The following MCC variants were observed in gnomAD, a reference collection of about 807,000 sequenced individuals.
MCC encodes the protein MCC regulator of Wnt signaling pathway.
Under a neutral mutation model 116.2 loss-of-function variants are expected in MCC, and 90 were observed. The ratio of observed to expected loss-of-function variants is 0.77; its 90% CI spans 0.65 to 0.92. The LOEUF (loss-of-function observed/expected upper bound fraction) is 0.92. Ranked by LOEUF, MCC falls within the 40% of genes least tolerant of loss-of-function variation. The pLI, the probability that MCC is intolerant of heterozygous loss-of-function variation, is 0.00. For synonymous variants in MCC, 578 were observed against 510.5 expected (o/e 1.13, Z -1.78); for missense variants, 1,516 against 1,312.2 (o/e 1.16, Z -2.40).
At chr5:113,085,034 G>A (rs1051946298) in intron 9 of MCC, 130 bp downstream of exon 9, 113 of 1,268,262 alleles carry the variant, frequency 8.9e-5, no homozygotes, top group East Asian at 9.3e-5. Flanking sequence ...GAAGGCCTGC[G>A]TAAGGTCCCA....
In MCC at chr5:113,138,079, C is replaced by T. The variant is rs528909366; in HGVS notation, c.884+5139G>A. Among the ~76,000 whole-genome samples, 5 of 151,726 alleles carry T rather than the reference C, an allele frequency of 3.3e-5. No individual in the cohort carries two copies. In the South Asian group the frequency reaches 6.3e-4, roughly 19 times the overall value. On this transcript the variant is annotated intron_variant, in intron 5 of 18. Transcript: ENST00000408903. ...TTACCCAGGCTGGAGTGCAGTGGTG[C>T]GACCTTGGCTCACTGCAACCTCCAC...
intron 3 of MCC, among the ~76,000 whole-genome samples, chr5:113,280,412 G>C (rs1354618690): frequency 7.2e-5 from 11 of 152,102 alleles, no homozygotes; most frequent in Admixed American, 7.2e-4. Flanking sequence ...CAACAATGTA[G>C]GGTATGTTCT....
intron 3 of MCC, among the ~76,000 whole-genome samples, chr5:113,324,779 C>A (rs1767510034): frequency 6.6e-6 from 1 of 151,956 alleles, no homozygotes; most frequent in Admixed American, 6.6e-5. Context: ...CTTTTTACCT[C>A]ATTAGAAAAG....
rs149085611 is a variant in MCC, at chr5:113,386,638, T to G, written c.171-1426A>C. Among the ~76,000 whole-genome samples, 311 of 152,244 alleles carry G rather than the reference T, an allele frequency of 2.0e-3. 7 individuals carry two copies. In the East Asian group the frequency reaches 0.054, roughly 26 times the overall value. ...GCCAGGCCTATGCCACCAGCCTTTT[T>G]AGCTCATCACCCTGCTTCCATATGC... On this transcript the variant is annotated intron_variant, in intron 1 of 18. Coordinates refer to ENST00000408903, the MANE Select transcript of MCC (RefSeq NM_001085377.2).
chr5:113,278,530 C>T (rs943495493), intron 3 of MCC, among the ~76,000 whole-genome samples: 1 of 152,158 alleles, frequency 6.6e-6, no homozygotes, highest in South Asian at 2.1e-4. Context: ...AAACAGTTTT[C>T]CAAGGTAACT....
At chr5:113,379,382 T>C (rs1769060397) in intron 2 of MCC, among the ~76,000 whole-genome samples, 1 of 152,212 alleles carries the variant, frequency 6.6e-6, no homozygotes, top group African/African-American at 2.4e-5. Flanking sequence ...ACTGAAAACC[T>C]GTGATATTTT....
intron 5 of MCC, among the ~76,000 whole-genome samples, chr5:113,134,555 CT>C: frequency 0.049 from 1,470 of 30,176 alleles, 25 homozygotes; most frequent in Admixed American, 0.1. Context: ...GCTATTTGGG[CT>C]TTTTTTTTTT....
chr5:113,072,219 G>C (rs1040372197), intron 11 of MCC, among the ~76,000 whole-genome samples: 1 of 152,210 alleles, frequency 6.6e-6, no homozygotes, highest in African/African-American at 2.4e-5. Context: ...GAAGCCATTA[G>C]CTTCAAGGAA....
At position 113,268,440 on chromosome 5, in the gene MCC, C is replaced by T. The variant is rs529270449; in HGVS notation, c.627+72079G>A. ...CTGTCATCAATTTCCCTTGAACATT[C>T]CAGACCATAATGTTTGTCTACCTAC... On this transcript the variant is annotated intron_variant, in intron 3 of 18. Coordinates refer to ENST00000408903, the MANE Select transcript of MCC (RefSeq NM_001085377.2). Among the ~76,000 whole-genome samples, 14 of 152,302 alleles carry T rather than the reference C, an allele frequency of 9.2e-5. No homozygotes were observed. In the South Asian group the frequency reaches 2.9e-3, roughly 32 times the overall value.
intron 1 of MCC, chr5:113,435,057 G>A (rs1770808925): frequency 3.6e-6 from 2 of 562,798 alleles, no homozygotes; most frequent in Non-Finnish European, 3.2e-6. Context: ...TGCCCTGGGG[G>A]AATGAGACCC....
chr5:113,404,193 G>A (rs1202097126), intron 1 of MCC, among the ~76,000 whole-genome samples: 1 of 152,108 alleles, frequency 6.6e-6, no homozygotes, highest in African/African-American at 2.4e-5. Context: ...TTGAGGGTGA[G>A]AAGATCCCCT....
Position 113,346,513 on chromosome 5 carries a change from T to G in MCC, c.416-5783A>C, listed in dbSNP as rs191720755. Among the ~76,000 whole-genome samples the G allele has an allele frequency of 1.8e-4, 28 of 152,078 alleles. No individual in the cohort carries two copies. The South Asian group carries it at 2.3e-3, about 12-fold the overall frequency. On this transcript the variant is annotated intron_variant, in intron 2 of 18. Coordinates refer to ENST00000408903, the MANE Select transcript of MCC (RefSeq NM_001085377.2). ...CTACTTGGGAGGCTGAGCAGGAGAATTGCTTGAACCTGGGAGGTGGAAGTC... is the reference window on the plus strand; with the variant it reads ...CTACTTGGGAGGCTGAGCAGGAGAAGTGCTTGAACCTGGGAGGTGGAAGTC...
chr5:113,450,040 C>T (rs1363789067), intron 1 of MCC, among the ~76,000 whole-genome samples: 1 of 152,042 alleles, frequency 6.6e-6, no homozygotes, highest in Non-Finnish European at 1.5e-5. Context: ...GTATTTTACA[C>T]TGCAAATAAT....
chr5:113,052,678 G>A (rs1016540148), intron 15 of MCC, among the ~76,000 whole-genome samples: 19 of 152,188 alleles, frequency 1.2e-4, no homozygotes, highest in African/African-American at 4.3e-4. Flanking sequence ...GCTGCGGACA[G>A]TACTGATCCT....
Position 113,204,197 on chromosome 5 carries a change from G to A in MCC, c.628-52775C>T, listed in dbSNP as rs1006573978. Among the ~76,000 whole-genome samples, 3 of 152,098 alleles carry A rather than the reference G, an allele frequency of 2.0e-5. No individual in the cohort carries two copies. In the South Asian group the frequency reaches 6.2e-4, roughly 32 times the overall value. On this transcript the variant is annotated intron_variant, in intron 3 of 18. Transcript: ENST00000408903. Reference sequence around the variant, plus strand: ...CAAGAACCGTTTCATCAGCATTATGGGCAAGAACAAGAAGGCCAAGGCATA... The same window carrying A: ...CAAGAACCGTTTCATCAGCATTATGAGCAAGAACAAGAAGGCCAAGGCATA...
Position 113,135,980 on chromosome 5 carries a change from G to T in MCC, c.884+7238C>A, listed in dbSNP as rs151054280. ...GAATCACTTGAACTCAGGAGGCAGA[G>T]GTTGCAGTGAGCCCAGATTGCGCCA... On this transcript the variant is annotated intron_variant, in intron 5 of 18. Coordinates refer to ENST00000408903, the MANE Select transcript of MCC (RefSeq NM_001085377.2). Among the ~76,000 whole-genome samples the T allele has an allele frequency of 4.8e-3, 732 of 152,272 alleles. 9 individuals carry two copies. The highest frequency in any genetic ancestry group is 0.017 in the African/African-American group (713 of 41,542).
chr5:113,317,996 T>G (rs1208730335), intron 3 of MCC, among the ~76,000 whole-genome samples: 1 of 152,066 alleles, frequency 6.6e-6, no homozygotes, highest in Non-Finnish European at 1.5e-5. Context: ...ATGAATCATA[T>G]AAGAAGGAAA....
chr5:113,396,861 A>C (rs1325675483), intron 1 of MCC, among the ~76,000 whole-genome samples: 1 of 152,216 alleles, frequency 6.6e-6, no homozygotes, highest in Admixed American at 6.5e-5. Context: ...GCTTTTGATC[A>C]ACCAGAAGCC....
At chr5:113,290,063 G>A (rs1253561672) in intron 3 of MCC, among the ~76,000 whole-genome samples, 1 of 152,164 alleles carries the variant, frequency 6.6e-6, no homozygotes, top group African/African-American at 2.4e-5. Context: ...CTGCGAGCTG[G>A]CCACTTGGAG....
Sources: allele counts gnomAD v4.1 joint callset (sites outside exome capture counted in the v4.1 genomes callset), GRCh38; gene constraint gnomAD v4.1.1; transcripts MANE v1.5; gene names NCBI Gene and HGNC (gene_info 2026-07-23, HGNC 2026-07-21).